Variants in RALGPS1 observed in about 807,000 individuals in gnomAD.
The protein encoded by RALGPS1 is Ral GEF with PH domain and SH3 binding motif 1, also known as ras-specific guanine nucleotide-releasing factor RalGPS1.
A neutral mutation model predicts 78.8 loss-of-function variants in RALGPS1; 19 were observed. The observed-to-expected ratio is 0.24, with a 90% CI of 0.17 to 0.35. The LOEUF (loss-of-function observed/expected upper bound fraction) is 0.35. RALGPS1 is among the 10% of genes least tolerant of loss of function. RALGPS1 has a pLI of 1.00. For missense variants in RALGPS1, 454 were observed against 688.3 expected, an observed-to-expected ratio of 0.66 and a Z score of 3.81; for synonymous variants, 228 against 256.3, an observed-to-expected ratio of 0.89 and a Z score of 1.06.
chr9:127,139,564 G>T (rs2057630462), intron 8 of RALGPS1, among the ~76,000 whole-genome samples: 1 of 152,218 alleles, frequency 6.6e-6, no homozygotes, highest in African/African-American at 2.4e-5. Context: ...GCTGGGGTGG[G>T]GGTGTCAGCA....
At chr9:127,214,889 C>A (rs1386522108) in intron 18 of RALGPS1, 47 bp downstream of exon 18, 1 of 1,611,326 alleles carries the variant, frequency 6.2e-7, no homozygotes, top group Middle Eastern at 1.7e-4. Flanking sequence ...TCCTCTCCCA[C>A]CCTTGGAACT....
intron 1 of RALGPS1, among the ~76,000 whole-genome samples, chr9:126,945,361 G>A (rs1451713790): frequency 6.6e-6 from 1 of 152,042 alleles, no homozygotes; most frequent in African/African-American, 2.4e-5. Flanking sequence ...ACTACACCCA[G>A]CTAATTTTTT....
intron 8 of RALGPS1, among the ~76,000 whole-genome samples, chr9:127,092,827 T>C (rs1236395349): frequency 6.6e-6 from 1 of 151,868 alleles, no homozygotes; most frequent in Non-Finnish European, 1.5e-5. Context: ...CACAGGCTGT[T>C]CAGGAGGTGG....
chr9:127,127,623 A>G (rs1388275414), intron 8 of RALGPS1, among the ~76,000 whole-genome samples: 1 of 152,218 alleles, frequency 6.6e-6, no homozygotes, highest in East Asian at 1.9e-4. Context: ...TGTCCTCACA[A>G]GCCCTGTTGG....
chr9:126,917,660 G>A (rs923472811), intron 1 of RALGPS1, among the ~76,000 whole-genome samples: 11 of 152,176 alleles, frequency 7.2e-5, no homozygotes, highest in African/African-American at 2.7e-4. Context: ...AGACGGGAGG[G>A]GAGAAGGCAC....
At chr9:127,082,638 C>T (rs1418557013) in intron 8 of RALGPS1, among the ~76,000 whole-genome samples, 1 of 152,178 alleles carries the variant, frequency 6.6e-6, no homozygotes, top group South Asian at 2.1e-4. Context: ...CAGACTGACT[C>T]GAGTTCACAT....
At chr9:126,962,458 T>C in intron 2 of RALGPS1, 112 bp downstream of exon 2, 1 of 1,072,522 alleles carries the variant, frequency 9.3e-7, no homozygotes, top group Non-Finnish European at 1.4e-6. Flanking sequence ...AATACCACCA[T>C]TCTTAGCACT....
intron 8 of RALGPS1, among the ~76,000 whole-genome samples, chr9:127,105,215 G>A (rs2054106306): frequency 1.3e-5 from 2 of 152,182 alleles, no homozygotes; most frequent in African/African-American, 2.4e-5. Flanking sequence ...GGATCCTTGC[G>A]TAACAAAGAA....
intron 8 of RALGPS1, among the ~76,000 whole-genome samples, chr9:127,133,446 G>A (rs1362081004): frequency 6.6e-6 from 1 of 152,236 alleles, no homozygotes; most frequent in Non-Finnish European, 1.5e-5. Context: ...AGAGCATGCC[G>A]AGGTGGCGTC....
At chr9:126,963,755 G>A (rs1177542409) in intron 2 of RALGPS1, among the ~76,000 whole-genome samples, 1 of 152,206 alleles carries the variant, frequency 6.6e-6, no homozygotes, top group Non-Finnish European at 1.5e-5. Context: ...TCACACAGCT[G>A]CCATGTGGGT....
At chr9:127,207,496 C>CA (rs749938355) in intron 14 of RALGPS1, among the ~76,000 whole-genome samples, 4 of 152,214 alleles carry the variant, frequency 2.6e-5, no homozygotes, top group Admixed American at 6.5e-5. Context: ...TGTCAGTTAC[C>CA]AAAAAACAAA....
chr9:126,966,520 CAAAAA>C (rs756980868), intron 3 of RALGPS1, among the ~76,000 whole-genome samples: 2 of 53,460 alleles, frequency 3.7e-5, no homozygotes, highest in Admixed American at 1.9e-4. Flanking sequence ...AACCCTGTCT[CAAAAA>C]AAAAAAAAAA....
intron 18 of RALGPS1, chr9:127,215,885 C>G (rs1352925015): frequency 6.6e-6 from 1 of 152,502 alleles, no homozygotes; most frequent in Non-Finnish European, 1.5e-5. Context: ...GAGTCCTCTC[C>G]TAGCCCATCT....
intron 8 of RALGPS1, chr9:127,093,713 C>A (rs753869827): frequency 1.2e-6 from 2 of 1,612,676 alleles, no homozygotes; most frequent in South Asian, 2.2e-5. Context: ...GCAGCACAGA[C>A]ATCCCCTGCC....
chr9:127,100,717 A>G (rs13298677), intron 8 of RALGPS1, among the ~76,000 whole-genome samples: 20,700 of 152,208 alleles, frequency 0.14, 1,746 homozygotes, highest in Middle Eastern at 0.27. Flanking sequence ...CAGGCACATC[A>G]TGGAAGAACT....
intron 4 of RALGPS1, among the ~76,000 whole-genome samples, chr9:126,978,835 C>T (rs575730677): frequency 2.0e-5 from 3 of 152,158 alleles, no homozygotes; most frequent in East Asian, 1.9e-4. Flanking sequence ...TTTAAGTCAC[C>T]GTCCCAGACT....
In RALGPS1 at chr9:127,011,823, C is replaced by G. The variant is rs575558288; in HGVS notation, c.217-22608C>G. Among the ~76,000 whole-genome samples the G allele has an allele frequency of 1.9e-3, 290 of 152,348 alleles. 1 individual carries two copies. Among genetic ancestry groups the G allele is most frequent in the African/African-American group, 6.5e-3 (272 of 41,576 alleles). On this transcript the variant is annotated intron_variant, in intron 4 of 18. Coordinates refer to ENST00000259351, the MANE Select transcript of RALGPS1 (RefSeq NM_014636.3). ...AGGCAGTTCCTCCCATCCCCTGTCC[C>G]CCGTCTTACAGAGTGGTCCTGGCAG...
intron 11 of RALGPS1, among the ~76,000 whole-genome samples, chr9:127,180,361 G>T (rs149047924): frequency 6.6e-6 from 1 of 152,320 alleles, no homozygotes; most frequent in East Asian, 1.9e-4. Flanking sequence ...GCACTGTGAG[G>T]ACTGCTCTCT....
chr9:126,973,884 T>G (rs962161143), intron 3 of RALGPS1, among the ~76,000 whole-genome samples: 1 of 152,182 alleles, frequency 6.6e-6, no homozygotes, highest in Non-Finnish European at 1.5e-5. Flanking sequence ...TTTGACTTTC[T>G]GTTTTGTTTT....
Sources: gnomAD v4.1 joint callset for allele counts (sites outside exome capture counted in the v4.1 genomes callset) on GRCh38, gnomAD v4.1.1 for gene constraint, MANE v1.5 for transcripts, NCBI Gene and HGNC (gene_info 2026-07-23, HGNC 2026-07-21) for gene names.